Variants in KCNT2 observed in about 807,000 individuals in gnomAD.
KCNT2 encodes the protein potassium sodium-activated channel subfamily T member 2, also known as potassium channel subfamily T member 2.
KCNT2 carries 67 observed loss-of-function variants against 153.8 expected under a neutral mutation model. That is an observed-to-expected ratio of 0.44 (90% CI 0.36 to 0.53). KCNT2 has a LOEUF of 0.53. KCNT2 is among the 20% of genes least tolerant of loss of function. The pLI, the probability that KCNT2 is intolerant of heterozygous loss-of-function variation, is 0.00. For missense variants in KCNT2, 975 were observed against 1,354.8 expected (o/e 0.72, Z 4.40); for synonymous variants, 500 against 458.8 (o/e 1.09, Z -1.15).
intron 19 of KCNT2, among the ~76,000 whole-genome samples, chr1:196,323,987 A>G (rs1348747327): frequency 6.6e-6 from 1 of 151,714 alleles, no homozygotes; most frequent in Non-Finnish European, 1.5e-5. Context: ...AAAGAATTGC[A>G]TAAAACTTCC....
At chr1:196,514,981 G>A in intron 1 of KCNT2, among the ~76,000 whole-genome samples, 1 of 152,130 alleles carries the variant, frequency 6.6e-6, no homozygotes, top group East Asian at 1.9e-4. Flanking sequence ...CACAACAGAT[G>A]AGTTCTAGAC....
Position 196,465,379 on chromosome 1 carries a change from T to C in KCNT2, c.552A>G (p.Leu184=). 1 of 1,592,986 alleles carries C rather than the reference T, an allele frequency of 6.3e-7. No individual in the cohort carries two copies. Among genetic ancestry groups the C allele is most frequent in the Non-Finnish European group, 8.6e-7 (1 of 1,162,674 alleles). ...ACTGTGTACGCTGAATGGCTCTGTG[T>C]AGATCATTCTAAAATAATACAGAAA... is the stretch of plus-strand genomic sequence containing the variant. ...KHALENMIND[L]HRAIQRTQSA... The change falls in exon 8 of 28, where the codon CTA becomes CTG. Residue 184 remains leucine (L), a synonymous_variant. Coordinates refer to ENST00000294725, the MANE Select transcript of KCNT2 (RefSeq NM_198503.5).
intron 1 of KCNT2, among the ~76,000 whole-genome samples, chr1:196,538,776 C>G (rs1296866732): frequency 6.6e-6 from 1 of 152,200 alleles, no homozygotes; most frequent in Non-Finnish European, 1.5e-5. Flanking sequence ...TACTGAAATT[C>G]TGTTTTACTA....
chr1:196,227,948 G>A lies in KCNT2; in HGVS notation c.*276C>T. The A allele has an allele frequency of 4.0e-6, 1 of 251,904 alleles. No individual in the cohort carries two copies. Among genetic ancestry groups the A allele is most frequent in the East Asian group, 8.5e-5 (1 of 11,726 alleles). The allele number at this position is 251,904 out of a possible 1,614,324, so 15.6% of individuals were successfully genotyped here. A position where few individuals can be genotyped will look rare whatever the true frequency, so the allele number is the denominator to read the frequency against. On this transcript the variant is annotated 3_prime_UTR_variant, in exon 28 of 28. Transcript: ENST00000294725. ...TTTTAAAATTGCTTTCATAGAGTTTGGATTATTATAAAACAATTAAATGTC... is the reference window on the plus strand; with the variant it reads ...TTTTAAAATTGCTTTCATAGAGTTTAGATTATTATAAAACAATTAAATGTC...
chr1:196,419,428 G>T (rs1673018012), intron 12 of KCNT2, among the ~76,000 whole-genome samples: 3 of 145,722 alleles, frequency 2.1e-5, no homozygotes, highest in Admixed American at 1.5e-4. Context: ...GTAAGAACAT[G>T]CGGTGTTTGG....
intron 1 of KCNT2, among the ~76,000 whole-genome samples, chr1:196,508,240 G>A (rs980141633): frequency 6.9e-6 from 1 of 145,922 alleles, no homozygotes; most frequent in African/African-American, 2.5e-5. Context: ...AAAAGAAATT[G>A]GATCTCTATC....
chr1:196,526,015 C>G (rs12743019), intron 1 of KCNT2, among the ~76,000 whole-genome samples: 3 of 140,066 alleles, frequency 2.1e-5, no homozygotes, highest in Non-Finnish European at 3.1e-5. Flanking sequence ...AGAACTGACT[C>G]TGTGTGTGTG....
intron 1 of KCNT2, among the ~76,000 whole-genome samples, chr1:196,544,977 G>A (rs1212971722): frequency 2.0e-5 from 3 of 151,980 alleles, no homozygotes; most frequent in Non-Finnish European, 4.4e-5. Context: ...TAATGTTTAT[G>A]AAATGTTTTT....
chr1:196,545,963 G>T (rs1344707407), intron 1 of KCNT2, among the ~76,000 whole-genome samples: 1 of 151,796 alleles, frequency 6.6e-6, no homozygotes, highest in Non-Finnish European at 1.5e-5. Flanking sequence ...GGCTATTATG[G>T]GTAACACTGC....
chr1:196,238,263 A>G (rs922271222), intron 26 of KCNT2, among the ~76,000 whole-genome samples: 5 of 151,958 alleles, frequency 3.3e-5, no homozygotes, highest in Non-Finnish European at 5.9e-5. Flanking sequence ...CCTGTTAAAA[A>G]TGTAAAAATT....
At chr1:196,237,243 C>G (rs909146116) in intron 26 of KCNT2, among the ~76,000 whole-genome samples, 1 of 151,630 alleles carries the variant, frequency 6.6e-6, no homozygotes, top group Non-Finnish European at 1.5e-5. Flanking sequence ...GTTCCTCTAA[C>G]GAGAAACCTG....
chr1:196,276,858 G>A (rs986221611), intron 25 of KCNT2, among the ~76,000 whole-genome samples: 5 of 151,976 alleles, frequency 3.3e-5, no homozygotes, highest in Admixed American at 1.3e-4. Context: ...CCTTGTATGT[G>A]ACCTATCGCA....
intron 8 of KCNT2, among the ~76,000 whole-genome samples, chr1:196,432,097 T>C (rs1674203023): frequency 6.6e-6 from 1 of 152,104 alleles, no homozygotes; most frequent in Non-Finnish European, 1.5e-5. Context: ...GCTCTTTGGC[T>C]ACCCCAAGTG....
chr1:196,455,747 G>A (rs1337950494), intron 8 of KCNT2, among the ~76,000 whole-genome samples: 1 of 151,690 alleles, frequency 6.6e-6, no homozygotes, highest in Admixed American at 6.6e-5. Context: ...TTATCTGCTT[G>A]TTGAGCAAGT....
chr1:196,307,152 C>G (rs1256452004), intron 21 of KCNT2, among the ~76,000 whole-genome samples: 4 of 152,018 alleles, frequency 2.6e-5, no homozygotes, highest in African/African-American at 7.2e-5. Context: ...TACAGAAACT[C>G]TAAATATCAG....
At chr1:196,507,929 T>C (rs920375800) in intron 1 of KCNT2, among the ~76,000 whole-genome samples, 27 of 151,966 alleles carry the variant, frequency 1.8e-4, no homozygotes, top group Non-Finnish European at 3.7e-4. Flanking sequence ...GATCAAACTA[T>C]ACAGGATGTT....
chr1:196,574,249 G>T (rs1213238510), intron 1 of KCNT2, among the ~76,000 whole-genome samples: 1 of 151,786 alleles, frequency 6.6e-6, no homozygotes, highest in East Asian at 1.9e-4. Flanking sequence ...ATGAAATTTT[G>T]TGTCTTATTG....
At chr1:196,571,450 A>G (rs1001385464) in intron 1 of KCNT2, among the ~76,000 whole-genome samples, 1 of 152,140 alleles carries the variant, frequency 6.6e-6, no homozygotes, top group Non-Finnish European at 1.5e-5. Flanking sequence ...AAATGTGAGA[A>G]TGAATATAAG....
intron 14 of KCNT2, among the ~76,000 whole-genome samples, chr1:196,355,925 T>C (rs1667136836): frequency 6.6e-6 from 1 of 151,808 alleles, no homozygotes; most frequent in Non-Finnish European, 1.5e-5. Context: ...GAATACCATA[T>C]GCTTCGCTTC....
Sources: gnomAD v4.1 joint callset for allele counts (sites outside exome capture counted in the v4.1 genomes callset) on GRCh38, gnomAD v4.1.1 for gene constraint, MANE v1.5 for transcripts, NCBI Gene and HGNC (gene_info 2026-07-23, HGNC 2026-07-21) for gene names.